Variants in PRR33 observed in about 807,000 individuals in gnomAD.
The protein encoded by PRR33 is proline-rich protein 33.
Under a neutral mutation model 0.5 loss-of-function variants are expected in PRR33, and 1 was observed. The observed-to-expected ratio is 2.18, with a 90% CI of 0.77 to 10.34. The LOEUF is 10.34. Ranked by LOEUF, PRR33 falls within the 30% of genes most tolerant of loss-of-function variation. The probability of loss-of-function intolerance (pLI) is 0.13; values close to 1 mark genes in which losing one functional copy is unlikely to be tolerated. For missense variants in PRR33, 552 were observed against 251.8 expected, an observed-to-expected ratio of 2.19 and a Z score of -8.07; for synonymous variants, 226 against 110.0, an observed-to-expected ratio of 2.06 and a Z score of -6.60.
chr11:1,890,020 G>A (rs1339034340), exon 1 of PRR33: 1 of 679,870 alleles, frequency 1.5e-6, no homozygotes, highest in Non-Finnish European at 2.7e-6. Flanking sequence ...CCATTGTGTG[G>A]GGATGGTGCC....
At chr11:1,890,023 A>G (rs577152160) in exon 1 of PRR33, 152 of 681,936 alleles carry the variant, frequency 2.2e-4, no homozygotes, top group Admixed American at 6.2e-4. Flanking sequence ...TTGTGTGGGG[A>G]TGGTGCCAGC....
chr11:1,905,837 G>C, the PRR33 span, among the ~76,000 whole-genome samples: 71 of 151,824 alleles, frequency 4.7e-4, no homozygotes, highest in East Asian at 0.013. Flanking sequence ...CTTTTTGTGG[G>C]GGGGACAGGG....
the PRR33 span, among the ~76,000 whole-genome samples, chr11:1,912,966 T>C: frequency 2.0e-5 from 3 of 152,182 alleles, no homozygotes; most frequent in Admixed American, 2.0e-4. Context: ...TTCATTCTAT[T>C]AACCTCCTAT....
At chr11:1,917,248 T>C in the PRR33 span, among the ~76,000 whole-genome samples, 1 of 152,088 alleles carries the variant, frequency 6.6e-6, no homozygotes, top group Non-Finnish European at 1.5e-5. Context: ...CTCAGGACCC[T>C]CTTGGTCTCC....
chr11:1,902,247 A>AC, the PRR33 span, among the ~76,000 whole-genome samples: 215 of 148,866 alleles, frequency 1.4e-3, no homozygotes, highest in African/African-American at 5.1e-3. Context: ...AAAAAAAAAA[A>AC]CACACAATTA....
upstream of PRR33, among the ~76,000 whole-genome samples, chr11:1,894,218 TGTGGGA>T (rs1172066529): frequency 9.0e-4 from 101 of 111,896 alleles, no homozygotes; most frequent in African/African-American, 2.9e-3. Flanking sequence ...AGGCTGGGAG[TGTGGGA>T]GTGTGTGTGT....
At chr11:1,895,367 A>G (rs901768284), upstream of PRR33, among the ~76,000 whole-genome samples, 6 of 152,122 alleles carry the variant, frequency 3.9e-5, no homozygotes, top group Non-Finnish European at 5.9e-5. Flanking sequence ...TCCTGACCTC[A>G]AGTGATCCGC....
At chr11:1,908,778 C>T in the PRR33 span, among the ~76,000 whole-genome samples, 1 of 152,202 alleles carries the variant, frequency 6.6e-6, no homozygotes, top group Non-Finnish European at 1.5e-5. Context: ...TTCCGCCTCA[C>T]ATCATTGGCA....
chr11:1,898,990 G>C, the PRR33 span, among the ~76,000 whole-genome samples: 2 of 152,136 alleles, frequency 1.3e-5, no homozygotes, highest in Non-Finnish European at 2.9e-5. Context: ...AACAGAGTGA[G>C]ACTTGGAGTG....
chr11:1,906,273 C>T, the PRR33 span, among the ~76,000 whole-genome samples: 8 of 152,198 alleles, frequency 5.3e-5, no homozygotes, highest in African/African-American at 1.9e-4. Context: ...CCTCCTTTTG[C>T]GTTCATGAGA....
At chr11:1,912,330 C>G in the PRR33 span, among the ~76,000 whole-genome samples, 1 of 151,984 alleles carries the variant, frequency 6.6e-6, no homozygotes, top group Non-Finnish European at 1.5e-5. Context: ...ATGCAAGGTT[C>G]AATGTCTTTA....
chr11:1,888,972 A>C, exon 1 of PRR33: 1 of 520,360 alleles, frequency 1.9e-6, no homozygotes, highest in Admixed American at 3.7e-5. Context: ...CCACCCTCCT[A>C]ACCATGCAGA....
chr11:1,891,965 T>A (rs1218005401), upstream of PRR33: 1 of 151,760 alleles, frequency 6.6e-6, no homozygotes, highest in African/African-American at 2.4e-5. Context: ...GCCCTTCCAC[T>A]CTCTGACCAC....
At chr11:1,899,768 C>T in the PRR33 span, among the ~76,000 whole-genome samples, 3 of 152,124 alleles carry the variant, frequency 2.0e-5, no homozygotes, top group Non-Finnish European at 4.4e-5. Flanking sequence ...AAGGGACGTC[C>T]CATGAGAAAA....
At chr11:1,890,573 C>A in exon 1 of PRR33, 2 of 708,862 alleles carry the variant, frequency 2.8e-6, no homozygotes, top group Non-Finnish European at 5.2e-6. Flanking sequence ...TCGACGCAGC[C>A]GATATGAGCA....
chr11:1,912,212 C>T, the PRR33 span, among the ~76,000 whole-genome samples: 1 of 151,710 alleles, frequency 6.6e-6, no homozygotes, highest in South Asian at 2.1e-4. Flanking sequence ...ATAAAGGACC[C>T]CCTTGGTCAT....
chr11:1,904,047 C>G, the PRR33 span, among the ~76,000 whole-genome samples: 2 of 152,196 alleles, frequency 1.3e-5, no homozygotes, highest in African/African-American at 4.8e-5. Context: ...TTTGCTCAAG[C>G]AAACTCAGAT....
chr11:1,900,427 T>C, the PRR33 span, among the ~76,000 whole-genome samples: 1 of 152,204 alleles, frequency 6.6e-6, no homozygotes, highest in Non-Finnish European at 1.5e-5. Flanking sequence ...AATCTTTCCA[T>C]TAGAGTTCCG....
the PRR33 span, among the ~76,000 whole-genome samples, chr11:1,905,558 C>T: frequency 1.7e-3 from 262 of 151,722 alleles, 1 homozygote; most frequent in Non-Finnish European, 2.8e-3. Flanking sequence ...CGTGCCTCAG[C>T]CTCTCTAGTA....
Sources: gnomAD v4.1 joint callset for allele counts (sites outside exome capture counted in the v4.1 genomes callset) on GRCh38, gnomAD v4.1.1 for gene constraint, MANE v1.5 for transcripts, NCBI Gene and HGNC (gene_info 2026-07-23, HGNC 2026-07-21) for gene names.